The following NOP2 variants were observed in gnomAD, a reference collection of about 807,000 sequenced individuals.
The protein encoded by NOP2 is 28S rRNA (cytosine(4447)-C(5))-methyltransferase.
NOP2 carries 7 observed loss-of-function variants against 72.7 expected under a neutral mutation model. That is an observed-to-expected ratio of 0.10 (90% CI 0.05 to 0.18). The LOEUF (loss-of-function observed/expected upper bound fraction) is 0.18, where lower values mean the gene tolerates loss of function less well. NOP2 is among the 10% of genes least tolerant of loss of function. The probability of loss-of-function intolerance (pLI) is 1.00; values close to 1 mark genes in which losing one functional copy is unlikely to be tolerated. For missense variants in NOP2, 954 were observed against 1,014.7 expected, an observed-to-expected ratio of 0.94 and a Z score of 0.81; for synonymous variants, 387 against 388.0, an observed-to-expected ratio of 1.00 and a Z score of 0.03.
chr12:6,567,327 CT>C (rs886552749), intron 2 of NOP2, among the ~76,000 whole-genome samples: 1 of 152,278 alleles, frequency 6.6e-6, no homozygotes, highest in African/African-American at 2.4e-5. Flanking sequence ...AAACTGCATC[CT>C]TTATCCAATG....
intron 1 of NOP2, 43 bp downstream of exon 1, chr12:6,568,164 T>A: frequency 1.9e-6 from 1 of 538,796 alleles, no homozygotes; most frequent in African/African-American, 1.9e-5. Flanking sequence ...CCAGACCAGG[T>A]CAGTGCTGCC....
chr12:6,566,415 C>A, intron 4 of NOP2, 79 bp from the exon 5 acceptor site: 1 of 1,489,032 alleles, frequency 6.7e-7, no homozygotes, highest in South Asian at 1.1e-5. Flanking sequence ...TACTTTCTAC[C>A]CCTCAGAATG....
At position 6,560,873 on chromosome 12, in the gene NOP2, C is replaced by T; in HGVS notation, c.1347+58G>A. 1 of 1,611,188 alleles carries T rather than the reference C, an allele frequency of 6.2e-7. No homozygotes were observed. The highest frequency in any genetic ancestry group is 8.5e-7 in the Non-Finnish European group (1 of 1,178,438). On this transcript the variant is annotated intron_variant, in intron 12 of 15. Coordinates refer to ENST00000322166, the MANE Select transcript of NOP2 (RefSeq NM_001258308.2). This position sits in a 1 kb window ranked among gnomAD's most constrained non-coding sequence, Gnocchi z 5.0. ...TAGGGTCGAGTCTAAACATTGAGGT[C>T]AGGAAGGGAGAAGGTCAACCGGAAG...
chr12:6,562,003 T>G, intron 9 of NOP2, 32 bp from the exon 10 acceptor site: 4 of 1,513,370 alleles, frequency 2.6e-6, no homozygotes, highest in Admixed American at 1.9e-5. Flanking sequence ...TTTTTTTTTT[T>G]TTTGAGATGG....
At position 6,557,577 on chromosome 12, in the gene NOP2, T is replaced by A. The variant is rs758378920; in HGVS notation, c.1855A>T (p.Ser619Cys). 3 of 1,613,934 alleles carry A rather than the reference T, an allele frequency of 1.9e-6. No homozygotes were observed. Among genetic ancestry groups the A allele is most frequent in the Admixed American group, 1.7e-5 (1 of 60,008 alleles). Residue 619 changes from serine (S) to cysteine (C), a missense_variant, in exon 16 of 16, where the codon AGC becomes TGC. Physicochemically the swap from Ser to Cys is moderately radical, Grantham distance 112. Around this residue, in one of 3 missense-constraint regions of NOP2, gnomAD observed 269 missense variants for 260.2 expected, o/e 1.03. Transcript: ENST00000322166. The stretch of plus-strand genomic sequence containing the variant: ...TTGGCTTTCTTGGCTGGCTGGCTGC[T>A]GTTCTCAGACTTGGGGATGACCTGA... Reference protein sequence around the residue: ...LPQVIPKSENSSQPAKKAKGA... With the variant: ...LPQVIPKSENCSQPAKKAKGA...
chr12:6,560,068 G>T lies in NOP2; in HGVS notation c.1789+30C>A. 2 of 1,504,662 alleles carry T rather than the reference G, an allele frequency of 1.3e-6. No homozygotes were observed. The highest frequency in any genetic ancestry group is 1.9e-6 in the Non-Finnish European group (2 of 1,080,756). The allele number at this position is 1,504,662 out of a possible 1,614,324, so 93.2% of individuals were successfully genotyped here. ...CCTGAAAGGTGGAAAGAGCAAAGGT[G>T]GTGACGAAGGGAAGAAAAAGATTAC... is the stretch of plus-strand genomic sequence containing the variant. On this transcript the variant is annotated intron_variant, in intron 15 of 15. Coordinates refer to ENST00000322166, the MANE Select transcript of NOP2 (RefSeq NM_001258308.2). The surrounding 1 kb of genome is among the most constrained non-coding windows in gnomAD (Gnocchi z 5.0).
At position 6,560,348 on chromosome 12, in the gene NOP2, A is replaced by G. The variant is rs762759099; in HGVS notation, c.1561-22T>C. 1.0e-4 allele frequency: 167 copies of G among 1,609,906 alleles called. No homozygotes were observed. The highest frequency in any genetic ancestry group is 1.4e-4 in the Non-Finnish European group (161 of 1,176,696). On this transcript the variant is annotated intron_variant, in intron 14 of 15. Coordinates refer to ENST00000322166, the MANE Select transcript of NOP2 (RefSeq NM_001258308.2). This position sits in a 1 kb window ranked among gnomAD's most constrained non-coding sequence, Gnocchi z 5.0. ...CTACCTGGATGTGGGGGGAAGACAA[A>G]GAACGGAGGAAAAAGCAGAGCTGGA...
At chr12:6,566,375 C>T (rs200848074) in intron 4 of NOP2, 39 bp from the exon 5 acceptor site, 4 of 1,555,446 alleles carry the variant, frequency 2.6e-6, no homozygotes, top group Non-Finnish European at 3.5e-6. Context: ...GGCAGCCACA[C>T]ATTCCCTGGC....
At chr12:6,563,205 G>A in intron 8 of NOP2, 35 bp from the exon 9 acceptor site, 1 of 1,562,196 alleles carries the variant, frequency 6.4e-7, no homozygotes, top group Non-Finnish European at 8.7e-7. Context: ...AAGTGAGGCT[G>A]GCTAAGGAGC....
chr12:6,562,241 C>T (rs1465844460), intron 9 of NOP2, among the ~76,000 whole-genome samples: 1 of 152,130 alleles, frequency 6.6e-6, no homozygotes, highest in African/African-American at 2.4e-5. Context: ...CTGCCCGCCT[C>T]GGCCTCCCAA....
At chr12:6,567,731 A>T in intron 2 of NOP2, 85 bp downstream of exon 2, 1 of 1,070,894 alleles carries the variant, frequency 9.3e-7, no homozygotes, top group Non-Finnish European at 1.4e-6. Context: ...TAAATATAAA[A>T]TGAACAGAAA....
Position 6,563,748 on chromosome 12 carries a change from G to A in NOP2, c.554C>T (p.Thr185Ile), listed in dbSNP as rs760201896. 5 of 1,613,170 alleles carry A rather than the reference G, an allele frequency of 3.1e-6. No homozygotes were observed. The highest frequency in any genetic ancestry group is 4.2e-6 in the Non-Finnish European group (5 of 1,179,562). The part of the protein sequence containing the change: ...AAGIQWSEEE[T>I]EDEEEEKEVT... ...TTCTTTCTCTTCCTCCTCGTCCTCG[G>A]TCTCCTCTTCACTCCACTGGATCCT... Residue 185 changes from threonine to isoleucine, a missense_variant, in exon 7 of 16, where the codon ACC becomes ATC. Physicochemically the swap from Thr to Ile is moderately conservative, Grantham distance 89 (BLOSUM62 -1). Coordinates refer to ENST00000322166, the MANE Select transcript of NOP2 (RefSeq NM_001258308.2).
In NOP2 at chr12:6,560,825, G is replaced by GCAAC. The variant is rs1195265836; in HGVS notation, c.1348-42_1348-39dup. 6.2e-7 allele frequency: 1 copy of GCAAC among 1,608,286 alleles called. No individual in the cohort carries two copies. Among genetic ancestry groups the GCAAC allele is most frequent in the East Asian group, 2.2e-5 (1 of 44,574 alleles). On this transcript the variant is annotated intron_variant, in intron 12 of 15. Transcript: ENST00000322166. The surrounding 1 kb of genome is among the most constrained non-coding windows in gnomAD (Gnocchi z 5.0). Reference sequence around the variant, plus strand: ...TACAGATGAATCATATGTCTCTTCTGCAACCAGCAGGGCAATATTTACTAG... The same window carrying GCAAC: ...TACAGATGAATCATATGTCTCTTCTGCAACCAACCAGCAGGGCAATATTTACTAG...
Position 6,557,220 on chromosome 12 carries a change from C to A in NOP2, c.2212G>T (p.Ala738Ser). The change falls in exon 16 of 16, where the codon GCC becomes TCC. Residue 738 changes from alanine (A) to serine (S), a missense_variant. Around this residue, in one of 3 missense-constraint regions of NOP2, gnomAD observed 269 missense variants for 260.2 expected, o/e 1.03. Coordinates refer to ENST00000322166, the MANE Select transcript of NOP2 (RefSeq NM_001258308.2). Reference sequence around the variant, plus strand: ...TGATGGTCCTTAGGTTTCAGGGTGGCCTGAGTCTTGGATGGGGATAACACA... The same window carrying A: ...TGATGGTCCTTAGGTTTCAGGGTGGACTGAGTCTTGGATGGGGATAACACA... ...PAVLSPSKTQ[A>S]TLKPKDHHQP... 6.2e-7 allele frequency: 1 copy of A among 1,613,966 alleles called. No homozygotes were observed. Among genetic ancestry groups the A allele is most frequent in the South Asian group, 1.1e-5 (1 of 91,074 alleles).
chr12:6,563,683 C>T lies in NOP2; in HGVS notation c.619G>A (p.Asp207Asn), dbSNP rs1157952638. 2 of 1,613,828 alleles carry T rather than the reference C, an allele frequency of 1.2e-6. No homozygotes were observed. Among genetic ancestry groups the T allele is most frequent in the Admixed American group, 3.3e-5 (2 of 59,988 alleles). Reference protein sequence around the residue: ...ESGPPKVEEADGGLQINVDEE... With the variant: ...ESGPPKVEEANGGLQINVDEE... ...TCCACATTGATCTGCAGGCCCCCATCTGCCTCTTCCACCTTTGGGGGGCCT... is the reference window on the plus strand; with the variant it reads ...TCCACATTGATCTGCAGGCCCCCATTTGCCTCTTCCACCTTTGGGGGGCCT... Residue 207 changes from aspartate to asparagine, a missense_variant, in exon 7 of 16, where the codon GAT (aspartate) becomes AAT (asparagine). Transcript: ENST00000322166.
At chr12:6,557,951 T>C in intron 15 of NOP2, 1 of 380,446 alleles carries the variant, frequency 2.6e-6, no homozygotes, top group South Asian at 2.3e-5. Flanking sequence ...AAGACCAGCC[T>C]AGCCCACATG....
chr12:6,561,415 G>A (rs116159175), intron 11 of NOP2, among the ~76,000 whole-genome samples: 27 of 152,264 alleles, frequency 1.8e-4, no homozygotes, highest in African/African-American at 5.5e-4. Context: ...CAATCCAAGC[G>A]TAATACAAGG....
Position 6,557,477 on chromosome 12 carries a change from CCATT to C in NOP2, c.1951_1954del (p.Asn651AlafsTer43). Reference sequence around the variant, plus strand: ...TTCTGAGTCTGCCCCTTTGGAGATGCCATTCAGCTTCTGGAAGGAGGCCTTCTTG... The same window carrying C: ...TTCTGAGTCTGCCCCTTTGGAGATGCCAGCTTCTGGAAGGAGGCCTTCTTG... On this transcript the variant is annotated frameshift_variant, in exon 16 of 16. Transcript: ENST00000322166. LOFTEE classifies it low-confidence loss of function (END_TRUNC). 1 of 1,613,960 alleles carries C rather than the reference CCATT, an allele frequency of 6.2e-7. No homozygotes were observed. The highest frequency in any genetic ancestry group is 8.5e-7 in the Non-Finnish European group (1 of 1,179,894).
chr12:6,556,978 C>A lies in NOP2; in HGVS notation c.*15G>T, dbSNP rs1364300662. The stretch of plus-strand genomic sequence containing the variant: ...GTGACAATGGCAGTGAGCCACCCGT[C>A]TAGTTTTCAACCATCTAAGATAGCA... On this transcript the variant is annotated 3_prime_UTR_variant, in exon 16 of 16. Coordinates refer to ENST00000322166, the MANE Select transcript of NOP2 (RefSeq NM_001258308.2). 1.9e-6 allele frequency: 3 copies of A among 1,613,564 alleles called. No homozygotes were observed. Among genetic ancestry groups the A allele is most frequent in the Non-Finnish European group, 2.5e-6 (3 of 1,179,770 alleles).
Sources: allele counts gnomAD v4.1 joint callset (sites outside exome capture counted in the v4.1 genomes callset), GRCh38; gene constraint gnomAD v4.1.1; regional missense constraint gnomAD v4.1.1; non-coding constraint Gnocchi (gnomAD v3.1); transcripts MANE v1.5; gene names NCBI Gene and HGNC (gene_info 2026-07-23, HGNC 2026-07-21).